Variants in CNTNAP2 observed in about 807,000 individuals in gnomAD.
CNTNAP2 encodes the protein contactin associated protein 2.
A neutral mutation model predicts 155.2 loss-of-function variants in CNTNAP2; 98 were observed. That is an observed-to-expected ratio of 0.63 (90% CI 0.54 to 0.75). The LOEUF (loss-of-function observed/expected upper bound fraction) is 0.75, where lower values mean the gene tolerates loss of function less well. Among genes scored for constraint, CNTNAP2 ranks in the 30% least tolerant of loss-of-function variants. The pLI is 0.00. For synonymous variants in CNTNAP2, 651 were observed against 631.2 expected, an observed-to-expected ratio of 1.03 and a Z score of -0.47; for missense variants, 1,727 against 1,688.1, an observed-to-expected ratio of 1.02 and a Z score of -0.40.
intron 14 of CNTNAP2, among the ~76,000 whole-genome samples, chr7:147,952,299 GGGT>G (rs1800947918): frequency 1.1e-5 from 1 of 89,248 alleles, no homozygotes; most frequent in African/African-American, 3.6e-5. Context: ...AAAATTAGCT[GGGT>G]GTGGTGGTGG....
intron 3 of CNTNAP2, among the ~76,000 whole-genome samples, chr7:146,924,959 G>A (rs1229865247): frequency 6.6e-6 from 1 of 152,064 alleles, no homozygotes; most frequent in Non-Finnish European, 1.5e-5. Flanking sequence ...AATTAAAAAT[G>A]TATGTTTTCT....
chr7:146,204,943 C>T (rs7786007), intron 1 of CNTNAP2, among the ~76,000 whole-genome samples: 46,213 of 151,730 alleles, frequency 0.3, 8,221 homozygotes, highest in African/African-American at 0.49. Context: ...TAAAAGAAAA[C>T]GAACTCTCCA....
intron 8 of CNTNAP2, among the ~76,000 whole-genome samples, chr7:147,224,143 GC>G (rs1803470634): frequency 6.6e-6 from 1 of 152,036 alleles, no homozygotes; most frequent in African/African-American, 2.4e-5. Context: ...GCAGCAGTTT[GC>G]CCTGTGACCT....
At chr7:146,946,189 T>G (rs942960117) in intron 3 of CNTNAP2, among the ~76,000 whole-genome samples, 4 of 151,682 alleles carry the variant, frequency 2.6e-5, no homozygotes, top group Admixed American at 1.3e-4. Flanking sequence ...TCTCTCTGCT[T>G]CAAATACACT....
At chr7:147,831,518 G>A (rs1000927166) in intron 13 of CNTNAP2, among the ~76,000 whole-genome samples, 1 of 152,184 alleles carries the variant, frequency 6.6e-6, no homozygotes, top group Non-Finnish European at 1.5e-5. Context: ...AGCAATGCTT[G>A]CATGTAGGAG....
intron 1 of CNTNAP2, among the ~76,000 whole-genome samples, chr7:146,505,587 A>C (rs1797371731): frequency 6.6e-6 from 1 of 152,196 alleles, no homozygotes; most frequent in Non-Finnish European, 1.5e-5. Context: ...TCAATCATAG[A>C]GGCCATATAT....
At chr7:147,395,822 C>T (rs1796803761) in intron 10 of CNTNAP2, 42 bp downstream of exon 10, 1 of 1,607,088 alleles carries the variant, frequency 6.2e-7, no homozygotes, top group Admixed American at 1.7e-5. Flanking sequence ...TCCAAACTTT[C>T]CAAACCTGTG....
At chr7:147,273,318 A>G (rs1305620975) in intron 8 of CNTNAP2, among the ~76,000 whole-genome samples, 2 of 152,100 alleles carry the variant, frequency 1.3e-5, no homozygotes, top group Non-Finnish European at 2.9e-5. Context: ...TTTGGTTTTG[A>G]AGCTTCAGGT....
At chr7:147,980,409 T>C (rs991596332) in intron 15 of CNTNAP2, among the ~76,000 whole-genome samples, 1 of 152,208 alleles carries the variant, frequency 6.6e-6, no homozygotes, top group Non-Finnish European at 1.5e-5. Context: ...AGTATACTTA[T>C]AATTACTGTA....
At chr7:147,949,459 T>TATATATATATATATATATATATATATA (rs1554453475) in intron 14 of CNTNAP2, among the ~76,000 whole-genome samples, 12 of 129,772 alleles carry the variant, frequency 9.2e-5, no homozygotes, top group Non-Finnish European at 1.8e-4. Context: ...TATATATATA[T>TATATATATATATATATATATATATATA]TTTTTTTTTT....
intron 1 of CNTNAP2, among the ~76,000 whole-genome samples, chr7:146,336,198 TAAA>T (rs549458592): frequency 2.5e-5 from 3 of 121,620 alleles, no homozygotes; most frequent in African/African-American, 3.0e-5. Context: ...AAACTCCGTC[TAAA>T]AAAAAAAAAA....
intron 11 of CNTNAP2, among the ~76,000 whole-genome samples, chr7:147,535,186 A>G (rs1799517377): frequency 6.6e-6 from 1 of 152,176 alleles, no homozygotes; most frequent in Non-Finnish European, 1.5e-5. Flanking sequence ...TGAGGTCAGG[A>G]GTTTGAGACC....
intron 3 of CNTNAP2, among the ~76,000 whole-genome samples, chr7:146,863,359 G>A (rs1458614036): frequency 6.6e-6 from 1 of 152,028 alleles, no homozygotes. Flanking sequence ...ATGCTACCAA[G>A]AACTTTATTC....
intron 21 of CNTNAP2, among the ~76,000 whole-genome samples, chr7:148,323,376 T>C (rs530416627): frequency 3.3e-5 from 5 of 150,672 alleles, no homozygotes; most frequent in Non-Finnish European, 7.4e-5. Flanking sequence ...TTTTAGGATT[T>C]CTTACATTAC....
chr7:148,082,555 C>T (rs555818237), intron 15 of CNTNAP2, among the ~76,000 whole-genome samples: 11 of 152,200 alleles, frequency 7.2e-5, no homozygotes, highest in Middle Eastern at 6.8e-3. Flanking sequence ...AGAACCAGGA[C>T]GCTCATTGTG....
At chr7:147,423,237 C>T (rs926980570) in intron 10 of CNTNAP2, among the ~76,000 whole-genome samples, 3 of 152,020 alleles carry the variant, frequency 2.0e-5, no homozygotes, top group African/African-American at 7.2e-5. Flanking sequence ...TGTGAAATAC[C>T]TGTAGTTGTT....
chr7:147,035,598 CA>C (rs1359951297), intron 3 of CNTNAP2, among the ~76,000 whole-genome samples: 1 of 152,186 alleles, frequency 6.6e-6, no homozygotes, highest in African/African-American at 2.4e-5. Context: ...GTCATTCTCA[CA>C]TAAGTTCCCA....
intron 8 of CNTNAP2, among the ~76,000 whole-genome samples, chr7:147,152,196 G>A (rs191018222): frequency 2.3e-4 from 35 of 152,052 alleles, no homozygotes; most frequent in East Asian, 3.9e-4. Flanking sequence ...TTATCTAGTC[G>A]TATTCAAAAA....
chr7:147,784,743 T>C (rs1371492156), intron 13 of CNTNAP2, among the ~76,000 whole-genome samples: 1 of 151,192 alleles, frequency 6.6e-6, no homozygotes, highest in African/African-American at 2.4e-5. Flanking sequence ...ATTGCAATGT[T>C]AGAACTGATA....
Sources: gnomAD v4.1 joint callset for allele counts (sites outside exome capture counted in the v4.1 genomes callset) on GRCh38, gnomAD v4.1.1 for gene constraint, MANE v1.5 for transcripts, NCBI Gene and HGNC (gene_info 2026-07-23, HGNC 2026-07-21) for gene names.